Variants in MAPKAP1 observed in about 807,000 individuals in gnomAD.
MAPKAP1 encodes the protein MAPK associated protein 1.
In MAPKAP1, 20 loss-of-function variants were observed where a neutral mutation model predicts 65.7. The ratio of observed to expected loss-of-function variants is 0.30; its 90% confidence interval spans 0.21 to 0.44. The LOEUF (loss-of-function observed/expected upper bound fraction) is 0.44. Among genes scored for constraint, MAPKAP1 ranks in the 20% least tolerant of loss-of-function variants. The probability of loss-of-function intolerance (pLI) is 1.00; values close to 1 mark genes in which losing one functional copy is unlikely to be tolerated. For synonymous variants in MAPKAP1, 222 were observed against 244.3 expected (o/e 0.91, Z 0.85); for missense variants, 423 against 648.0 (o/e 0.65, Z 3.77).
At chr9:125,590,733 A>T (rs1831933817) in intron 4 of MAPKAP1, among the ~76,000 whole-genome samples, 1 of 152,094 alleles carries the variant, frequency 6.6e-6, no homozygotes, top group Non-Finnish European at 1.5e-5. Flanking sequence ...TTGCCTAATT[A>T]TATCATTTAA....
chr9:125,484,456 G>T lies in MAPKAP1; in HGVS notation c.1194C>A (p.Thr398=). The T allele has an allele frequency of 1.2e-6, 2 of 1,610,800 alleles. No homozygotes were observed. Among genetic ancestry groups the T allele is most frequent in the Non-Finnish European group, 1.7e-6 (2 of 1,178,426 alleles). ...VSMIHRLRFT[T]DVQLGISGDK... ...TCACACACTTACCTAGCTGTACGTCGGTTGTGAATCGCAGTCTGTGGATCA... is the reference window on the plus strand; with the variant it reads ...TCACACACTTACCTAGCTGTACGTCTGTTGTGAATCGCAGTCTGTGGATCA... The change falls in exon 9 of 12, where the codon ACC becomes ACA. Residue 398 remains threonine, a synonymous_variant. Transcript: ENST00000265960.
chr9:125,539,064 T>C (rs192771255), intron 7 of MAPKAP1, among the ~76,000 whole-genome samples: 1 of 152,294 alleles, frequency 6.6e-6, no homozygotes, highest in Admixed American at 6.5e-5. Flanking sequence ...CTAGGGGTCT[T>C]GTGAAAACAA....
intron 7 of MAPKAP1, among the ~76,000 whole-genome samples, chr9:125,527,125 C>A (rs996341550): frequency 6.6e-6 from 1 of 151,040 alleles, no homozygotes; most frequent in Non-Finnish European, 1.5e-5. Flanking sequence ...AGTACAGTGG[C>A]GCGATCTTGG....
intron 10 of MAPKAP1, among the ~76,000 whole-genome samples, chr9:125,456,898 C>T (rs992973682): frequency 6.6e-6 from 1 of 152,086 alleles, no homozygotes; most frequent in Admixed American, 6.5e-5. Context: ...TGTTTTAAGC[C>T]ACTATGTTTT....
chr9:125,519,894 G>A (rs965057148), intron 7 of MAPKAP1, among the ~76,000 whole-genome samples: 2 of 152,030 alleles, frequency 1.3e-5, no homozygotes, highest in African/African-American at 4.8e-5. Flanking sequence ...TTTGAGATAA[G>A]TGGTGGTCAG....
At chr9:125,458,617 C>T (rs912703974) in intron 10 of MAPKAP1, among the ~76,000 whole-genome samples, 9 of 151,502 alleles carry the variant, frequency 5.9e-5, no homozygotes, top group African/African-American at 9.7e-5. Context: ...TGTCTACTTC[C>T]TTCTACACAG....
intron 7 of MAPKAP1, among the ~76,000 whole-genome samples, chr9:125,533,341 T>C (rs1419172645): frequency 6.6e-6 from 1 of 152,230 alleles, no homozygotes; most frequent in Non-Finnish European, 1.5e-5. Context: ...TACTGGCTGC[T>C]AACCATCAGT....
chr9:125,597,217 A>T (rs1216212084), intron 4 of MAPKAP1, among the ~76,000 whole-genome samples: 1 of 139,962 alleles, frequency 7.1e-6, no homozygotes, highest in Non-Finnish European at 1.5e-5. Flanking sequence ...ATGAGCCGAG[A>T]TCGTGCCACT....
At chr9:125,487,190 C>A (rs73591550) in intron 8 of MAPKAP1, among the ~76,000 whole-genome samples, 2,500 of 152,298 alleles carry the variant, frequency 0.016, 67 homozygotes, top group African/African-American at 0.055. Flanking sequence ...CACTCCACAT[C>A]TGCAAGGGCC....
At chr9:125,603,847 C>A (rs1042698279) in intron 4 of MAPKAP1, among the ~76,000 whole-genome samples, 10 of 151,984 alleles carry the variant, frequency 6.6e-5, no homozygotes, top group African/African-American at 1.7e-4. Context: ...ACTCTGATAA[C>A]CTGCCCCGAG....
At chr9:125,464,894 G>A (rs571061789) in intron 10 of MAPKAP1, among the ~76,000 whole-genome samples, 6 of 152,290 alleles carry the variant, frequency 3.9e-5, no homozygotes, top group East Asian at 3.9e-4. Flanking sequence ...GTTTGACAGC[G>A]GCTTTCTCAA....
intron 4 of MAPKAP1, among the ~76,000 whole-genome samples, chr9:125,587,531 A>T (rs1483360909): frequency 2.6e-5 from 4 of 152,194 alleles, no homozygotes; most frequent in African/African-American, 9.7e-5. Context: ...ATGCCACTGC[A>T]CTCCAGCCTG....
At chr9:125,690,214 TTAA>T (rs1230923679) in intron 1 of MAPKAP1, among the ~76,000 whole-genome samples, 1 of 152,128 alleles carries the variant, frequency 6.6e-6, no homozygotes, top group Non-Finnish European at 1.5e-5. Context: ...CTTAGCCACC[TTAA>T]TAGTTAAAAA....
chr9:125,611,618 G>T (rs1400661868), intron 4 of MAPKAP1, among the ~76,000 whole-genome samples: 1 of 152,134 alleles, frequency 6.6e-6, no homozygotes, highest in Non-Finnish European at 1.5e-5. Flanking sequence ...AAGAAGATCT[G>T]TATCTTAAAA....
chr9:125,657,113 TATA>T, intron 4 of MAPKAP1, among the ~76,000 whole-genome samples: 1 of 152,126 alleles, frequency 6.6e-6, no homozygotes, highest in East Asian at 1.9e-4. Flanking sequence ...TTTCTACAGT[TATA>T]ATAATCAGCC....
intron 5 of MAPKAP1, among the ~76,000 whole-genome samples, chr9:125,584,866 A>T (rs943789146): frequency 6.6e-6 from 1 of 152,216 alleles, no homozygotes; most frequent in Non-Finnish European, 1.5e-5. Flanking sequence ...AAAGCACTTT[A>T]AAGTTCAAAT....
intron 11 of MAPKAP1, among the ~76,000 whole-genome samples, chr9:125,441,142 CT>C: frequency 6.6e-6 from 1 of 152,324 alleles, no homozygotes; most frequent in East Asian, 1.9e-4. Flanking sequence ...CATTTTACAG[CT>C]TAAGGCATAA....
chr9:125,572,833 G>A (rs1200838880), intron 5 of MAPKAP1: 1 of 152,124 alleles, frequency 6.6e-6, no homozygotes, highest in African/African-American at 2.4e-5. Flanking sequence ...TACTCTTTGT[G>A]TAGGAATACA....
At chr9:125,532,851 C>T (rs1468328804) in intron 7 of MAPKAP1, among the ~76,000 whole-genome samples, 1 of 152,088 alleles carries the variant, frequency 6.6e-6, no homozygotes, top group Non-Finnish European at 1.5e-5. Flanking sequence ...ATGTACCAGA[C>T]TAAAGTATTT....
Sources: allele counts gnomAD v4.1 joint callset (sites outside exome capture counted in the v4.1 genomes callset), GRCh38; gene constraint gnomAD v4.1.1; transcripts MANE v1.5; gene names NCBI Gene and HGNC (gene_info 2026-07-23, HGNC 2026-07-21).